The following IMMP2L variants were observed in gnomAD, a reference collection of about 807,000 sequenced individuals.
The protein encoded by IMMP2L is inner mitochondrial membrane peptidase subunit 2.
In IMMP2L, 18 loss-of-function variants were observed where a neutral mutation model predicts 19.3. The ratio of observed to expected loss-of-function variants is 0.93; its 90% CI spans 0.64 to 1.38. The LOEUF (loss-of-function observed/expected upper bound fraction) is 1.38. Among genes scored for constraint, IMMP2L ranks in the 40% most tolerant of loss-of-function variants. IMMP2L has a pLI of 0.00. For synonymous variants in IMMP2L, 76 were observed against 73.0 expected (o/e 1.04, Z -0.21); for missense variants, 233 against 218.2 (o/e 1.07, Z -0.43).
intron 3 of IMMP2L, among the ~76,000 whole-genome samples, chr7:111,095,434 T>C (rs1219117918): frequency 6.6e-6 from 1 of 151,856 alleles, no homozygotes; most frequent in Non-Finnish European, 1.5e-5. Context: ...TCCCCCCAAA[T>C]TCACAGATAT....
intron 2 of IMMP2L, among the ~76,000 whole-genome samples, chr7:111,506,050 T>C (rs1844864271): frequency 6.6e-6 from 1 of 151,756 alleles, no homozygotes; most frequent in Non-Finnish European, 1.5e-5. Flanking sequence ...GGAGGATGGC[T>C]CCAGGCCAAA....
intron 4 of IMMP2L, among the ~76,000 whole-genome samples, chr7:110,958,005 C>T (rs776925924): frequency 3.9e-5 from 6 of 151,968 alleles, no homozygotes; most frequent in African/African-American, 4.8e-5. Context: ...TGTTCACTTA[C>T]GTCTCTCCGG....
At chr7:111,506,656 A>G (rs1844936836) in intron 2 of IMMP2L, among the ~76,000 whole-genome samples, 1 of 152,112 alleles carries the variant, frequency 6.6e-6, no homozygotes, top group South Asian at 2.1e-4. Flanking sequence ...TGGCCTCCCA[A>G]AGTGCTGGGA....
Position 111,521,457 on chromosome 7 carries a change from T to A in IMMP2L, c.-2-8A>T. On this transcript the variant is annotated splice_region_variant and splice_polypyrimidine_tract_variant and intron_variant, in intron 1 of 5. Coordinates refer to ENST00000405709, the MANE Select transcript of IMMP2L (RefSeq NM_032549.4). ...CTTGTGACTGTGCCATACCTAAAAA[T>A]ACAAAGAAAACAACTATGAAATTAG... The A allele has an allele frequency of 6.3e-7, 1 of 1,585,290 alleles. No individual in the cohort carries two copies. Among genetic ancestry groups the A allele is most frequent in the Non-Finnish European group, 8.6e-7 (1 of 1,167,884 alleles).
chr7:110,768,667 G>A (rs566588590), intron 5 of IMMP2L, among the ~76,000 whole-genome samples: 24 of 152,210 alleles, frequency 1.6e-4, no homozygotes, highest in African/African-American at 5.3e-4. Flanking sequence ...CTTATCCTAT[G>A]GACCTCTCAG....
At chr7:110,706,088 G>C (rs1794659606) in intron 5 of IMMP2L, among the ~76,000 whole-genome samples, 3 of 151,996 alleles carry the variant, frequency 2.0e-5, no homozygotes, top group Admixed American at 1.3e-4. Flanking sequence ...CCAGTAATAG[G>C]ATTACTGGGT....
chr7:110,734,944 A>G (rs898499357), intron 5 of IMMP2L, among the ~76,000 whole-genome samples: 3 of 152,218 alleles, frequency 2.0e-5, no homozygotes, highest in African/African-American at 4.8e-5. Flanking sequence ...GGCTAATAAT[A>G]TGTAAGCAGA....
chr7:110,917,270 G>C (rs549510184), intron 4 of IMMP2L, among the ~76,000 whole-genome samples: 2 of 152,294 alleles, frequency 1.3e-5, no homozygotes, highest in South Asian at 2.1e-4. Context: ...GTGGCCTCTA[G>C]AACTGTGAGA....
chr7:110,933,659 TG>T (rs1011067811), intron 4 of IMMP2L, among the ~76,000 whole-genome samples: 1 of 152,206 alleles, frequency 6.6e-6, no homozygotes, highest in Non-Finnish European at 1.5e-5. Flanking sequence ...GTTTAGGAGA[TG>T]TTTCCAATTT....
chr7:111,002,504 T>C (rs900964419), intron 3 of IMMP2L, among the ~76,000 whole-genome samples: 4 of 152,180 alleles, frequency 2.6e-5, no homozygotes, highest in Non-Finnish European at 4.4e-5. Context: ...CAGAATTCTC[T>C]AGAGCTTAGA....
chr7:110,752,413 T>C (rs1202389294), intron 5 of IMMP2L, among the ~76,000 whole-genome samples: 1 of 152,106 alleles, frequency 6.6e-6, no homozygotes, highest in Non-Finnish European at 1.5e-5. Context: ...TCCTAGATTA[T>C]GAGACACTAT....
chr7:111,331,050 C>T (rs1429194617), intron 3 of IMMP2L, among the ~76,000 whole-genome samples: 1 of 151,834 alleles, frequency 6.6e-6, no homozygotes, highest in South Asian at 2.1e-4. Flanking sequence ...ATAGAATTAG[C>T]ATATGACCCA....
chr7:110,922,554 G>A (rs912580069), intron 4 of IMMP2L, among the ~76,000 whole-genome samples: 12 of 151,956 alleles, frequency 7.9e-5, no homozygotes, highest in African/African-American at 2.7e-4. Context: ...CCTCATGAAC[G>A]GATTTTAAAA....
intron 3 of IMMP2L, among the ~76,000 whole-genome samples, chr7:111,420,820 G>A (rs1701712354): frequency 6.6e-6 from 1 of 151,640 alleles, no homozygotes; most frequent in African/African-American, 2.4e-5. Context: ...TGGACATTTG[G>A]GTTGGTTCCA....
intron 3 of IMMP2L, among the ~76,000 whole-genome samples, chr7:111,363,861 C>T (rs781641254): frequency 1.3e-5 from 2 of 152,088 alleles, no homozygotes; most frequent in Admixed American, 6.6e-5. Context: ...GTACACACCA[C>T]GTGGTTTTAT....
chr7:111,375,843 T>G (rs1001188568), intron 3 of IMMP2L, among the ~76,000 whole-genome samples: 2 of 152,132 alleles, frequency 1.3e-5, no homozygotes, highest in Non-Finnish European at 2.9e-5. Flanking sequence ...ATTTTTGAAC[T>G]GAGGGTCATG....
intron 5 of IMMP2L, among the ~76,000 whole-genome samples, chr7:110,825,825 A>G (rs1180434703): frequency 3.3e-5 from 5 of 152,222 alleles, no homozygotes; most frequent in African/African-American, 1.2e-4. Context: ...ACAAAAGCCA[A>G]AATTGACGAA....
chr7:110,882,367 C>T (rs1048969607), intron 5 of IMMP2L, among the ~76,000 whole-genome samples: 10 of 137,326 alleles, frequency 7.3e-5, no homozygotes, highest in African/African-American at 3.2e-4. Flanking sequence ...CTCTCTCTCT[C>T]TCTCTCTCCC....
At position 111,175,735 on chromosome 7, in the gene IMMP2L, A is replaced by G. The variant is rs541275808; in HGVS notation, c.240-212170T>C. Among the ~76,000 whole-genome samples the G allele has an allele frequency of 2.0e-5, 3 of 152,020 alleles. No homozygotes were observed. The South Asian group carries it at 6.2e-4, about 32-fold the overall frequency. On this transcript the variant is annotated intron_variant, in intron 3 of 5. Coordinates refer to ENST00000405709, the MANE Select transcript of IMMP2L (RefSeq NM_032549.4). ...GGAATGGGCAAAGATTTCTAGAGTAATACCCTACAATGGCAGAAAACCCAT... is the reference window on the plus strand; with the variant it reads ...GGAATGGGCAAAGATTTCTAGAGTAGTACCCTACAATGGCAGAAAACCCAT...
Sources: gnomAD v4.1 joint callset for allele counts (sites outside exome capture counted in the v4.1 genomes callset) on GRCh38, gnomAD v4.1.1 for gene constraint, MANE v1.5 for transcripts, NCBI Gene and HGNC (gene_info 2026-07-23, HGNC 2026-07-21) for gene names.